The following NOS1AP variants were observed in gnomAD, a reference collection of about 807,000 sequenced individuals.
NOS1AP encodes nitric oxide synthase 1 adaptor protein.
NOS1AP carries 21 observed loss-of-function variants against 56.2 expected under a neutral mutation model. That is an observed-to-expected ratio of 0.37 (90% CI 0.26 to 0.54). The LOEUF (loss-of-function observed/expected upper bound fraction) is 0.54. Ranked by LOEUF, NOS1AP falls within the 20% of genes least tolerant of loss-of-function variation. The pLI is 0.84. For missense variants in NOS1AP, 522 were observed against 657.8 expected, an observed-to-expected ratio of 0.79 and a Z score of 2.26; for synonymous variants, 270 against 274.6, an observed-to-expected ratio of 0.98 and a Z score of 0.17.
rs2101753714 is a variant in NOS1AP at position 162,300,666 on chromosome 1, G to A, written c.304G>A (p.Asp102Asn). Residue 102 changes from aspartate to asparagine, a missense_variant, in exon 4 of 10, where the codon GAT becomes AAT. Around this residue, in one of 4 missense-constraint regions of NOS1AP, gnomAD observed 132 missense variants for 218.1 expected, o/e 0.61. Coordinates refer to ENST00000361897, the MANE Select transcript of NOS1AP (RefSeq NM_014697.3). ...LLLQKKEWTW[D>N]ESKMLVMQDP... Reference sequence around the variant, plus strand: ...ATTGCAGAAAAAGGAATGGACGTGGGATGAGAGCAAGATGCTGGTGATGCA... The same window carrying A: ...ATTGCAGAAAAAGGAATGGACGTGGAATGAGAGCAAGATGCTGGTGATGCA... 1 of 1,614,080 alleles carries A rather than the reference G, an allele frequency of 6.2e-7. No individual in the cohort carries two copies. Among genetic ancestry groups the A allele is most frequent in the East Asian group, 2.2e-5 (1 of 44,880 alleles).
intron 2 of NOS1AP, among the ~76,000 whole-genome samples, chr1:162,224,396 G>T (rs978353638): frequency 6.6e-6 from 1 of 151,976 alleles, no homozygotes; most frequent in African/African-American, 2.4e-5. Flanking sequence ...TCATTACCTT[G>T]GTTAAAACAA....
intron 2 of NOS1AP, among the ~76,000 whole-genome samples, chr1:162,164,303 C>T (rs1236505576): frequency 2.6e-5 from 4 of 152,182 alleles, no homozygotes; most frequent in African/African-American, 9.7e-5. Context: ...GTGTTGGCAA[C>T]AGGTTGCATT....
chr1:162,305,175 A>G (rs903545075), intron 4 of NOS1AP, among the ~76,000 whole-genome samples: 3 of 152,166 alleles, frequency 2.0e-5, no homozygotes, highest in Non-Finnish European at 2.9e-5. Flanking sequence ...ACCATTTTTT[A>G]AGCATACAAA....
intron 1 of NOS1AP, among the ~76,000 whole-genome samples, chr1:162,110,475 G>A (rs1012763480): frequency 1.3e-5 from 2 of 152,272 alleles, no homozygotes; most frequent in Admixed American, 1.3e-4. Context: ...CTTACCGGCT[G>A]TTATCAGTGA....
chr1:162,355,856 C>T (rs1464911036), intron 7 of NOS1AP, among the ~76,000 whole-genome samples: 2 of 152,346 alleles, frequency 1.3e-5, no homozygotes, highest in South Asian at 4.1e-4. Context: ...TCTTCATCAG[C>T]TCTAACCTAA....
chr1:162,240,179 G>C (rs543627090), intron 2 of NOS1AP, among the ~76,000 whole-genome samples: 112 of 152,068 alleles, frequency 7.4e-4, no homozygotes, highest in Non-Finnish European at 1.4e-3. Context: ...CCAGCTGACT[G>C]AACAGAGGGG....
intron 2 of NOS1AP, among the ~76,000 whole-genome samples, chr1:162,227,199 T>C (rs992309355): frequency 6.6e-6 from 1 of 152,244 alleles, no homozygotes; most frequent in Non-Finnish European, 1.5e-5. Context: ...CCGCTGTGCA[T>C]TGATGTTGTT....
chr1:162,321,731 A>AAAATAT (rs1480278757), intron 4 of NOS1AP, among the ~76,000 whole-genome samples: 182 of 128,482 alleles, frequency 1.4e-3, no homozygotes, highest in Non-Finnish European at 2.5e-3. Flanking sequence ...AAAAAAAAAA[A>AAAATAT]ATATATATAT....
intron 9 of NOS1AP, among the ~76,000 whole-genome samples, chr1:162,366,308 G>T (rs1215590713): frequency 6.6e-6 from 1 of 152,226 alleles, no homozygotes; most frequent in Non-Finnish European, 1.5e-5. Context: ...AGAATTTTTT[G>T]CCTGTGAGCT....
At position 162,364,580 on chromosome 1, in the gene NOS1AP, A is replaced by G. The variant is rs143403007; in HGVS notation, c.940-824A>G. On this transcript the variant is annotated intron_variant, in intron 8 of 9. Coordinates refer to ENST00000361897, the MANE Select transcript of NOS1AP (RefSeq NM_014697.3). ...AAGCATGCTGAATGCATTGCTGCCA[A>G]CTGCTCTGCCTTAAGAAGGTTGGAA... The G allele has an allele frequency of 1.2e-4, 120 of 985,478 alleles. No individual in the cohort carries two copies. In the East Asian group the frequency reaches 7.5e-3, roughly 62 times the overall value. 61.0% of individuals were successfully genotyped at this position (985,478 alleles called of 1,614,324 possible).
chr1:162,330,906 G>A (rs2101793036), intron 4 of NOS1AP, among the ~76,000 whole-genome samples: 1 of 152,298 alleles, frequency 6.6e-6, no homozygotes, highest in South Asian at 2.1e-4. Flanking sequence ...TGGCTATTGG[G>A]GAACAATGGA....
At chr1:162,273,250 G>A (rs1318237483) in intron 2 of NOS1AP, among the ~76,000 whole-genome samples, 2 of 138,334 alleles carry the variant, frequency 1.4e-5, no homozygotes, top group Admixed American at 1.7e-4. Flanking sequence ...TGCAAGCTCC[G>A]CCTCCCGGGT....
chr1:162,094,147 G>A (rs1692188693), intron 1 of NOS1AP, among the ~76,000 whole-genome samples: 1 of 152,214 alleles, frequency 6.6e-6, no homozygotes, highest in Non-Finnish European at 1.5e-5. Flanking sequence ...ACTCTCAGCT[G>A]ATGGGTAGGA....
chr1:162,261,503 A>AGAGAGAGAGAGAG lies in NOS1AP; in HGVS notation c.178-25840_178-25828dup, dbSNP rs1654219507. On this transcript the variant is annotated intron_variant, in intron 2 of 9. Transcript: ENST00000361897. ...GAGAGAGAGAGAGAGAGAGAGAGAG[A>AGAGAGAGAGAGAG]GAGAGAGAGAGAGAGAGAGAGAGAG... is the stretch of plus-strand genomic sequence containing the variant. Among the ~76,000 whole-genome samples, 2 of 7,780 alleles carry AGAGAGAGAGAGAG rather than the reference A, an allele frequency of 2.6e-4. 1 individual carries two copies. The highest frequency in any genetic ancestry group is 4.9e-4 in the Non-Finnish European group (2 of 4,074). 5.1% of individuals were successfully genotyped at this position (7,780 alleles called of 152,430 possible).
intron 4 of NOS1AP, among the ~76,000 whole-genome samples, chr1:162,311,442 T>A (rs1434917523): frequency 6.6e-6 from 1 of 152,290 alleles, no homozygotes; most frequent in South Asian, 2.1e-4. Context: ...ATACCTACAA[T>A]GGATGATGAG....
chr1:162,217,607 G>A (rs1484788215), intron 2 of NOS1AP, among the ~76,000 whole-genome samples: 1 of 152,122 alleles, frequency 6.6e-6, no homozygotes, highest in African/African-American at 2.4e-5. Flanking sequence ...GCTTTAATGA[G>A]TATAGTTGTC....
intron 3 of NOS1AP, among the ~76,000 whole-genome samples, chr1:162,296,248 C>T (rs1195346502): frequency 3.9e-5 from 6 of 152,140 alleles, no homozygotes; most frequent in Admixed American, 3.9e-4. Flanking sequence ...GATCGCGCCA[C>T]TGCACTCCAG....
At chr1:162,092,972 G>A (rs1692166973) in intron 1 of NOS1AP, among the ~76,000 whole-genome samples, 1 of 152,122 alleles carries the variant, frequency 6.6e-6, no homozygotes, top group African/African-American at 2.4e-5. Context: ...TTCTTTTGCA[G>A]TTTATCTAAC....
intron 4 of NOS1AP, among the ~76,000 whole-genome samples, chr1:162,329,580 GA>G (rs1371486905): frequency 6.6e-6 from 1 of 152,000 alleles, no homozygotes; most frequent in East Asian, 1.9e-4. Flanking sequence ...AAGAAGGAAA[GA>G]AAAAGGGAAA....
Sources: gnomAD v4.1 joint callset for allele counts (sites outside exome capture counted in the v4.1 genomes callset) on GRCh38, gnomAD v4.1.1 for gene constraint, gnomAD v4.1.1 regional missense constraint, MANE v1.5 for transcripts, NCBI Gene and HGNC (gene_info 2026-07-23, HGNC 2026-07-21) for gene names.